The following OPCML variants were observed in gnomAD, a reference collection of about 807,000 sequenced individuals.
OPCML encodes the protein opioid binding protein/cell adhesion molecule like.
In OPCML, 13 loss-of-function variants were observed where a neutral mutation model predicts 37.8. The observed-to-expected ratio is 0.34, with a 90% confidence interval of 0.22 to 0.55. OPCML has a LOEUF of 0.55. OPCML is among the 20% of genes least tolerant of loss of function. The probability of loss-of-function intolerance (pLI) is 0.91; values close to 1 mark genes in which losing one functional copy is unlikely to be tolerated. For missense variants in OPCML, 341 were observed against 435.6 expected, an observed-to-expected ratio of 0.78 and a Z score of 1.93; for synonymous variants, 176 against 168.8, an observed-to-expected ratio of 1.04 and a Z score of -0.33.
At chr11:132,852,407 G>C (rs530507032) in intron 2 of OPCML, among the ~76,000 whole-genome samples, 1 of 152,036 alleles carries the variant, frequency 6.6e-6, no homozygotes, top group African/African-American at 2.4e-5. Flanking sequence ...GACCCCATGG[G>C]GTCCCTGAGA....
intron 1 of OPCML, among the ~76,000 whole-genome samples, chr11:133,044,153 T>C (rs7127639): frequency 0.71 from 107,736 of 152,096 alleles, 38,764 homozygotes; most frequent in African/African-American, 0.83. Flanking sequence ...GTAAGCCATG[T>C]GAGAAGGGTG....
chr11:133,441,563 A>C (rs1038449897), intron 1 of OPCML, among the ~76,000 whole-genome samples: 4 of 152,180 alleles, frequency 2.6e-5, no homozygotes, highest in Admixed American at 6.5e-5. Context: ...AGGATTAGAG[A>C]GCTAAATATT....
In OPCML at chr11:132,480,650, A is replaced by T. The variant is rs562853065; in HGVS notation, c.506-43291T>A. ...TCGGGTTACCCTCAAAGGGAAGCCC[A>T]TCAGACTAACAGCGGATCTCTTGGC... On this transcript the variant is annotated intron_variant, in intron 4 of 7. Transcript: ENST00000524381. 1.6e-4 allele frequency among the ~76,000 whole-genome samples: 24 copies of T among 152,372 alleles called. 1 individual carries two copies. In the East Asian group the frequency reaches 4.6e-3, roughly 29 times the overall value.
intron 1 of OPCML, among the ~76,000 whole-genome samples, chr11:133,288,912 C>G (rs1942379560): frequency 6.6e-6 from 1 of 152,032 alleles, no homozygotes; most frequent in African/African-American, 2.4e-5. Context: ...TCGTGGGCAT[C>G]TTGAGGGGAT....
intron 1 of OPCML, among the ~76,000 whole-genome samples, chr11:133,458,834 T>TACACATAGATGCACGTGTGTGTGTAC (rs1565646028): frequency 1.4e-5 from 2 of 145,984 alleles, no homozygotes; most frequent in African/African-American, 2.6e-5. Context: ...TGTGTGTGTA[T>TACACATAGATGCACGTGTGTGTGTAC]ATACACATAG....
At chr11:133,166,817 C>G (rs1252727353) in intron 1 of OPCML, among the ~76,000 whole-genome samples, 1 of 152,212 alleles carries the variant, frequency 6.6e-6, no homozygotes, top group African/African-American at 2.4e-5. Flanking sequence ...GACCTGTCCT[C>G]TTTGTGGGGA....
intron 1 of OPCML, among the ~76,000 whole-genome samples, chr11:133,223,387 G>A (rs1159972499): frequency 6.6e-6 from 1 of 152,226 alleles, no homozygotes; most frequent in Non-Finnish European, 1.5e-5. Flanking sequence ...GCTTTTGGGA[G>A]AAACGACTAA....
chr11:132,637,972 C>T (rs1240941341), intron 3 of OPCML, among the ~76,000 whole-genome samples: 1 of 152,036 alleles, frequency 6.6e-6, no homozygotes, highest in African/African-American at 2.4e-5. Flanking sequence ...CCACTTCTGT[C>T]CTACCCACCT....
At chr11:132,766,481 TGTATAACCTGA>T (rs1565846443) in intron 2 of OPCML, among the ~76,000 whole-genome samples, 1 of 152,136 alleles carries the variant, frequency 6.6e-6, no homozygotes, top group African/African-American at 2.4e-5. Flanking sequence ...TGCCCATAAA[TGTATAACCTGA>T]GTCCAGGACA....
chr11:133,140,335 A>C (rs1244539428), intron 1 of OPCML, among the ~76,000 whole-genome samples: 4 of 149,602 alleles, frequency 2.7e-5, no homozygotes, highest in Non-Finnish European at 4.4e-5. Context: ...AATGTGGTGA[A>C]ATGCCATCTC....
At chr11:133,218,747 C>T (rs1939692617) in intron 1 of OPCML, among the ~76,000 whole-genome samples, 1 of 152,128 alleles carries the variant, frequency 6.6e-6, no homozygotes, top group African/African-American at 2.4e-5. Context: ...TCTGGAGCTG[C>T]TAAGCTCTCT....
chr11:132,489,683 T>TA (rs397786406), intron 4 of OPCML, among the ~76,000 whole-genome samples: 1 of 151,928 alleles, frequency 6.6e-6, no homozygotes, highest in African/African-American at 2.4e-5. Flanking sequence ...TTATTATTAT[T>TA]TTATTATACT....
At chr11:132,626,010 A>G (rs1032004679) in intron 3 of OPCML, among the ~76,000 whole-genome samples, 8 of 151,954 alleles carry the variant, frequency 5.3e-5, no homozygotes, top group African/African-American at 1.9e-4. Context: ...TTATTTTTTC[A>G]AGAAACATTC....
chr11:133,359,722 T>C (rs1944372137), intron 1 of OPCML, among the ~76,000 whole-genome samples: 1 of 152,222 alleles, frequency 6.6e-6, no homozygotes, highest in Non-Finnish European at 1.5e-5. Flanking sequence ...TGGTCGTTTA[T>C]GAATGTCTCC....
At chr11:132,920,074 T>C (rs564728006) in intron 2 of OPCML, among the ~76,000 whole-genome samples, 1 of 152,346 alleles carries the variant, frequency 6.6e-6, no homozygotes, top group East Asian at 1.9e-4. Context: ...ATAGTGGTGA[T>C]GATTGCACAA....
chr11:132,617,991 A>C (rs564955540), intron 3 of OPCML, among the ~76,000 whole-genome samples: 2 of 152,362 alleles, frequency 1.3e-5, no homozygotes, highest in East Asian at 3.9e-4. Context: ...CCAGCTTCTT[A>C]CAGCCGCAGT....
chr11:133,218,757 T>G (rs1019850257), intron 1 of OPCML, among the ~76,000 whole-genome samples: 3 of 152,142 alleles, frequency 2.0e-5, no homozygotes, highest in African/African-American at 7.2e-5. Flanking sequence ...CTAAGCTCTC[T>G]GGATGGATTT....
At chr11:132,651,736 AT>A (rs1941439215) in intron 3 of OPCML, among the ~76,000 whole-genome samples, 1 of 152,180 alleles carries the variant, frequency 6.6e-6, no homozygotes, top group African/African-American at 2.4e-5. Flanking sequence ...ATACCAACCA[AT>A]TTCACCTGAA....
At chr11:132,459,106 A>G (rs1163496083) in intron 4 of OPCML, among the ~76,000 whole-genome samples, 1 of 152,142 alleles carries the variant, frequency 6.6e-6, no homozygotes, top group Non-Finnish European at 1.5e-5. Flanking sequence ...GCCTGAACAG[A>G]ACAGAAAGGC....
Sources: allele counts gnomAD v4.1 joint callset (sites outside exome capture counted in the v4.1 genomes callset), GRCh38; gene constraint gnomAD v4.1.1; transcripts MANE v1.5; gene names NCBI Gene and HGNC (gene_info 2026-07-23, HGNC 2026-07-21).